Variants in APC observed in about 807,000 individuals in gnomAD.
APC encodes adenomatous polyposis coli protein.
A neutral mutation model predicts 247.0 loss-of-function variants in APC; 72 were observed. The ratio of observed to expected loss-of-function variants is 0.29; its 90% confidence interval spans 0.24 to 0.35. APC has a LOEUF of 0.35. Among genes scored for constraint, APC ranks in the 10% least tolerant of loss-of-function variants. The probability of loss-of-function intolerance (pLI) is 1.00; values close to 1 mark genes in which losing one functional copy is unlikely to be tolerated. For synonymous variants in APC, 1,254 were observed against 1,162.5 expected (o/e 1.08, Z -1.60); for missense variants, 3,400 against 3,360.7 (o/e 1.01, Z -0.29).
intron 14 of APC, among the ~76,000 whole-genome samples, chr5:112,831,459 C>G (rs1231724305): frequency 2.0e-5 from 3 of 152,322 alleles, no homozygotes; most frequent in Non-Finnish European, 2.9e-5. Context: ...TGATTTGGGC[C>G]TAATTCTGGT....
chr5:112,751,641 T>C (rs1325265978), intron 1 of APC, among the ~76,000 whole-genome samples: 1 of 152,018 alleles, frequency 6.6e-6, no homozygotes, highest in African/African-American at 2.4e-5. Context: ...GAATGATTTC[T>C]GTATATTTTG....
At chr5:112,734,532 GA>G (rs933172092), upstream of APC, among the ~76,000 whole-genome samples, 48 of 150,104 alleles carry the variant, frequency 3.2e-4, no homozygotes, top group Admixed American at 1.7e-3. Flanking sequence ...TATTTTGAAA[GA>G]AAAAAAAAGC....
At chr5:112,717,499 T>TATTTTATCTC (rs1294362410) in intron 1 of APC, among the ~76,000 whole-genome samples, 5 of 152,340 alleles carry the variant, frequency 3.3e-5, no homozygotes, top group East Asian at 1.9e-4. Context: ...GAATGTCCTT[T>TATTTTATCTC]AGTCTGCTTG....
chr5:112,747,218 A>C (rs902906655), intron 1 of APC, among the ~76,000 whole-genome samples: 17 of 144,488 alleles, frequency 1.2e-4, no homozygotes, highest in Non-Finnish European at 2.1e-4. Flanking sequence ...TGAAAGATAC[A>C]GAGGCATAGG....
At chr5:112,793,732 GA>G (rs931651228) in intron 7 of APC, among the ~76,000 whole-genome samples, 1 of 152,094 alleles carries the variant, frequency 6.6e-6, no homozygotes, top group Non-Finnish European at 1.5e-5. Flanking sequence ...GGAAATTAGA[GA>G]AATAAATCAA....
At chr5:112,780,238 TTATC>T (rs1758174389) in intron 5 of APC, among the ~76,000 whole-genome samples, 1 of 152,318 alleles carries the variant, frequency 6.6e-6, no homozygotes, top group African/African-American at 2.4e-5. Flanking sequence ...TGTGTTGACT[TTATC>T]TACTCTATTT....
At position 112,754,996 on chromosome 5, in the gene APC, A is replaced by G; in HGVS notation, c.106A>G (p.Lys36Glu). The G allele has an allele frequency of 6.2e-7, 1 of 1,613,812 alleles. No individual in the cohort carries two copies. Among genetic ancestry groups the G allele is most frequent in the Non-Finnish European group, 8.5e-7 (1 of 1,179,764 alleles). Reference sequence around the variant, plus strand: ...AGAAGATAATTCCAATCATCTTACAAAACTGGAAACTGAGGCATCTAATAT... The same window carrying G: ...AGAAGATAATTCCAATCATCTTACAGAACTGGAAACTGAGGCATCTAATAT... The part of the protein sequence containing the change: ...ELEDNSNHLT[K>E]LETEASNMKE... Residue 36 changes from lysine to glutamate, a missense_variant, in exon 2 of 16, where the codon AAA (lysine) becomes GAA (glutamate). By Grantham distance (56) the Lys-to-Glu change is moderately conservative. Around this residue, in one of 9 missense-constraint regions of APC, gnomAD observed 372 missense variants for 367.6 expected, o/e 1.01. Coordinates refer to ENST00000257430, the MANE Select transcript of APC (RefSeq NM_000038.6).
At chr5:112,802,007 C>T (rs1486908155) in intron 8 of APC, among the ~76,000 whole-genome samples, 4 of 151,802 alleles carry the variant, frequency 2.6e-5, no homozygotes, top group Non-Finnish European at 5.9e-5. Context: ...TATTGAAATA[C>T]AGTGCAATAG....
intron 6 of APC, among the ~76,000 whole-genome samples, chr5:112,783,591 G>A (rs1261686973): frequency 1.4e-5 from 2 of 143,780 alleles, no homozygotes; most frequent in East Asian, 2.0e-4. Context: ...CCAGGAGTTC[G>A]AGACCAGCCT....
At chr5:112,761,322 C>T (rs973670765) in intron 2 of APC, among the ~76,000 whole-genome samples, 1 of 152,000 alleles carries the variant, frequency 6.6e-6, no homozygotes, top group Non-Finnish European at 1.5e-5. Flanking sequence ...GGAGCAAACT[C>T]AGATGATCCA....
Position 112,841,533 on chromosome 5 carries a change from A to G in APC, c.5939A>G (p.Asn1980Ser), listed in dbSNP as rs180727920. The G allele has an allele frequency of 1.2e-6, 2 of 1,613,986 alleles. No homozygotes were observed. The highest frequency in any genetic ancestry group is 4.5e-5 in the East Asian group (2 of 44,868). ...SSLSDIDQEN[N>S]NKENEPIKET... ...CTCAGTGACATTGACCAAGAAAACA[A>G]CAATAAAGAAAATGAACCTATCAAA... Residue 1980 changes from asparagine (N) to serine (S), a missense_variant, in exon 16 of 16, where the codon AAC (asparagine) becomes AGC (serine). By Grantham distance (46) the Asn-to-Ser change is conservative. Around this residue, in one of 9 missense-constraint regions of APC, gnomAD observed 1,788 missense variants for 1,649.5 expected, o/e 1.08. Transcript: ENST00000257430. The surrounding 1 kb of genome is among the most constrained non-coding windows in gnomAD (Gnocchi z 4.6).
chr5:112,815,296 T>A (rs962268115), intron 8 of APC, among the ~76,000 whole-genome samples, 199 bp from the exon 9 acceptor site: 2 of 152,248 alleles, frequency 1.3e-5, no homozygotes, highest in African/African-American at 4.8e-5. Flanking sequence ...CAAGAAACTC[T>A]CTTTTCTTTA....
intron 13 of APC, among the ~76,000 whole-genome samples, chr5:112,828,480 T>A (rs1580571909): frequency 6.7e-6 from 1 of 148,156 alleles, no homozygotes; most frequent in Non-Finnish European, 1.5e-5. Flanking sequence ...AAAAACAGGA[T>A]CTCCCTCTCT....
intron 11 of APC, among the ~76,000 whole-genome samples, chr5:112,826,448 A>T (rs2149805584): frequency 6.6e-6 from 1 of 152,154 alleles, no homozygotes; most frequent in Non-Finnish European, 1.5e-5. Flanking sequence ...TTTCAGTGGA[A>T]AGAATCAGGG....
intron 4 of APC, among the ~76,000 whole-genome samples, chr5:112,768,611 A>G (rs1396752037): frequency 6.6e-6 from 1 of 151,696 alleles, no homozygotes. Context: ...TCAGGTTAGC[A>G]TATCTGTCAT....
chr5:112,791,614 A>G (rs917545431), intron 6 of APC, among the ~76,000 whole-genome samples: 1 of 152,206 alleles, frequency 6.6e-6, no homozygotes, highest in Non-Finnish European at 1.5e-5. Flanking sequence ...TGCCCCAGTC[A>G]GTAGACAAAT....
At chr5:112,797,871 C>T (rs1394544790) in intron 7 of APC, among the ~76,000 whole-genome samples, 1 of 152,008 alleles carries the variant, frequency 6.6e-6, no homozygotes, top group East Asian at 1.9e-4. Flanking sequence ...CAAATCAAAG[C>T]CCAAGTGAGA....
intron 8 of APC, among the ~76,000 whole-genome samples, chr5:112,813,601 C>A (rs143853621): frequency 6.6e-6 from 1 of 152,122 alleles, no homozygotes; most frequent in African/African-American, 2.4e-5. Flanking sequence ...ACGTTGCTAG[C>A]TAACAGGGAA....
At chr5:112,763,222 A>C (rs1258224836) in intron 2 of APC, among the ~76,000 whole-genome samples, 5 of 149,068 alleles carry the variant, frequency 3.4e-5, no homozygotes, top group Non-Finnish European at 5.9e-5. Flanking sequence ...AAGTGTGGAC[A>C]AAAAAAATCA....
Sources: gnomAD v4.1 joint callset for allele counts (sites outside exome capture counted in the v4.1 genomes callset) on GRCh38, gnomAD v4.1.1 for gene constraint, gnomAD v4.1.1 regional missense constraint, Gnocchi (gnomAD v3.1) non-coding constraint, MANE v1.5 for transcripts, NCBI Gene and HGNC (gene_info 2026-07-23, HGNC 2026-07-21) for gene names.